The following SGPL1 variants were observed in gnomAD, a reference collection of about 807,000 sequenced individuals.
SGPL1 encodes SP-lyase 1.
In SGPL1, 37 loss-of-function variants were observed where a neutral mutation model predicts 68.9. The ratio of observed to expected loss-of-function variants is 0.54; its 90% CI spans 0.41 to 0.71. SGPL1 has a LOEUF of 0.71. Among genes scored for constraint, SGPL1 ranks in the 30% least tolerant of loss-of-function variants. The pLI, the probability that SGPL1 is intolerant of heterozygous loss-of-function variation, is 0.00. For missense variants in SGPL1, 551 were observed against 704.6 expected (o/e 0.78, Z 2.47); for synonymous variants, 236 against 248.5 (o/e 0.95, Z 0.47).
chr10:70,842,986 C>A (rs1845739172), intron 2 of SGPL1, among the ~76,000 whole-genome samples: 1 of 151,484 alleles, frequency 6.6e-6, no homozygotes, highest in Non-Finnish European at 1.5e-5. Flanking sequence ...GTAGCTTACA[C>A]TTTGCCACAT....
intron 5 of SGPL1, among the ~76,000 whole-genome samples, chr10:70,856,041 C>G (rs901526404): frequency 1.3e-5 from 2 of 152,150 alleles, no homozygotes; most frequent in African/African-American, 4.8e-5. Context: ...GTTGCCCAGG[C>G]TGGAATGCAG....
chr10:70,859,381 AT>A lies in SGPL1; in HGVS notation c.501del (p.Phe167LeufsTer18). On this transcript the variant is annotated frameshift_variant, in exon 7 of 15. Transcript: ENST00000373202. LOFTEE classifies it high-confidence loss of function. Reference sequence around the variant, plus strand: ...TGCATTTTTTTGCAGGCTTATGGAGATTTTGCATGGAGTAACCCCCTGCATC... The same window carrying A: ...TGCATTTTTTTGCAGGCTTATGGAGATTTGCATGGAGTAACCCCCTGCATC... ...LTELLVKAYG[D>X]FAWSNPLHPD... 1.3e-6 allele frequency: 2 copies of A among 1,517,710 alleles called. No individual in the cohort carries two copies. The highest frequency in any genetic ancestry group is 1.3e-5 in the South Asian group (1 of 74,836). The allele number at this position is 1,517,710 out of a possible 1,614,324, so 94.0% of individuals were successfully genotyped here.
At chr10:70,853,529 T>C (rs1304119007) in intron 4 of SGPL1, among the ~76,000 whole-genome samples, 1 of 152,222 alleles carries the variant, frequency 6.6e-6, no homozygotes, top group Non-Finnish European at 1.5e-5. Flanking sequence ...TTTTGTTACC[T>C]GTCTTACTAT....
chr10:70,869,919 A>G, intron 9 of SGPL1, 22 bp downstream of exon 9: 1 of 1,597,256 alleles, frequency 6.3e-7, no homozygotes, highest in Non-Finnish European at 8.6e-7. Flanking sequence ...TGGAGGGCCC[A>G]CTGTCTGTGC....
chr10:70,823,886 T>C (rs1459604704), intron 2 of SGPL1, among the ~76,000 whole-genome samples: 3 of 152,234 alleles, frequency 2.0e-5, no homozygotes, highest in Non-Finnish European at 4.4e-5. Flanking sequence ...ATTAAAGTTA[T>C]GATTGGAATA....
chr10:70,835,984 G>A (rs187292952), intron 2 of SGPL1, among the ~76,000 whole-genome samples: 409 of 152,290 alleles, frequency 2.7e-3, no homozygotes, highest in African/African-American at 9.5e-3. Context: ...AGAGGTACGA[G>A]TTGTTATGGA....
rs768209090 is a variant in SGPL1, at chr10:70,859,397, C to T, written c.513C>T (p.Asn171=). 10 of 1,536,262 alleles carry T rather than the reference C, an allele frequency of 6.5e-6. No homozygotes were observed. The Admixed American group carries it at 1.6e-4, about 25-fold the overall frequency. ...VKAYGDFAWS[N]PLHPDIFPGL... ...CTTATGGAGATTTTGCATGGAGTAA[C>T]CCCCTGCATCCAGATATCTTCCCAG... is the stretch of plus-strand genomic sequence containing the variant. Residue 171 remains asparagine (N), a synonymous_variant, in exon 7 of 15, where the codon AAC becomes AAT. Transcript: ENST00000373202.
intron 2 of SGPL1, among the ~76,000 whole-genome samples, chr10:70,842,962 G>A (rs1353792846): frequency 6.6e-6 from 1 of 151,408 alleles, no homozygotes; most frequent in Non-Finnish European, 1.5e-5. Context: ...GACAGAAATG[G>A]TCCCTGCCAT....
rs192749155 is a variant in SGPL1, at chr10:70,871,753, G to A, written c.910-84G>A. On this transcript the variant is annotated intron_variant, in intron 10 of 14. Coordinates refer to ENST00000373202, the MANE Select transcript of SGPL1 (RefSeq NM_003901.4). ...AATACAAAATAGCCTTGTGTTTATAGCCCATCTTTCCACCCATGTCTTGCA... is the reference window on the plus strand; with the variant it reads ...AATACAAAATAGCCTTGTGTTTATAACCCATCTTTCCACCCATGTCTTGCA... 3.3e-5 allele frequency: 43 copies of A among 1,319,416 alleles called. No homozygotes were observed. The African/African-American group carries it at 5.3e-4, about 16-fold the overall frequency. The allele number at this position is 1,319,416 out of a possible 1,614,324, so 81.7% of individuals were successfully genotyped here. A position where few individuals can be genotyped will look rare whatever the true frequency, so the allele number is the denominator to read the frequency against.
At chr10:70,851,454 G>GCCCCCCCC (rs3842238) in intron 4 of SGPL1, among the ~76,000 whole-genome samples, 1 of 150,816 alleles carries the variant, frequency 6.6e-6, no homozygotes, top group African/African-American at 2.4e-5. Context: ...GTACAGGGCA[G>GCCCCCCCC]CCCCCCCCCA....
intron 4 of SGPL1, among the ~76,000 whole-genome samples, chr10:70,852,700 G>A (rs1374134795): frequency 8.0e-6 from 1 of 124,678 alleles, no homozygotes; most frequent in Non-Finnish European, 1.7e-5. Context: ...AAAATTACAT[G>A]TGTGTATGTG....
intron 6 of SGPL1, 138 bp from the exon 7 acceptor site, chr10:70,859,233 G>T: frequency 2.3e-6 from 1 of 427,692 alleles, no homozygotes; most frequent in Non-Finnish European, 3.6e-6. Flanking sequence ...TTGATCTTTT[G>T]GTTGAGGAAT....
intron 2 of SGPL1, among the ~76,000 whole-genome samples, chr10:70,834,910 T>C (rs1307182611): frequency 1.3e-5 from 2 of 152,222 alleles, no homozygotes; most frequent in African/African-American, 4.8e-5. Flanking sequence ...GGCCTCAATG[T>C]CTTCATCTGT....
intron 2 of SGPL1, among the ~76,000 whole-genome samples, chr10:70,836,916 C>T (rs968799993): frequency 1.3e-5 from 2 of 151,730 alleles, no homozygotes; most frequent in Non-Finnish European, 2.9e-5. Context: ...ATCTAATAGC[C>T]TCATGAGGTT....
In SGPL1 at chr10:70,859,352, T is replaced by G. The variant is rs1478979006; in HGVS notation, c.487-19T>G. 4.3e-6 allele frequency: 6 copies of G among 1,411,512 alleles called. No individual in the cohort carries two copies. Among genetic ancestry groups the G allele is most frequent in the Non-Finnish European group, 5.6e-6 (6 of 1,071,504 alleles). 87.4% of individuals were successfully genotyped at this position (1,411,512 alleles called of 1,614,324 possible). On this transcript the variant is annotated intron_variant, in intron 6 of 14. Transcript: ENST00000373202. ...AGTGTAATAGTTTTGATTTCACATC[T>G]GCTTGCATTTTTTTGCAGGCTTATG...
At chr10:70,819,171 T>C (rs915760474) in intron 2 of SGPL1, among the ~76,000 whole-genome samples, 5 of 152,248 alleles carry the variant, frequency 3.3e-5, no homozygotes, top group Non-Finnish European at 7.3e-5. Context: ...ATATTAACTT[T>C]GGAATCAGTT....
chr10:70,877,258 G>C lies in SGPL1; in HGVS notation c.1630G>C (p.Val544Leu). Residue 544 changes from valine (V) to leucine (L), a missense_variant, in exon 15 of 15, where the codon GTC becomes CTC. Physicochemically the swap from Val to Leu is conservative, Grantham distance 32. Transcript: ENST00000373202. ...DRNMVAELSS[V>L]FLDSLYSTDT... ...GAATATGGTTGCAGAATTGTCCTCA[G>C]TCTTCTTGGACAGCTTGTACAGCAC... The C allele has an allele frequency of 6.2e-7, 1 of 1,614,062 alleles. No individual in the cohort carries two copies.
chr10:70,873,649 AG>A (rs1846335435), intron 12 of SGPL1, 60 bp downstream of exon 12: 2 of 1,266,002 alleles, frequency 1.6e-6, no homozygotes, highest in African/African-American at 1.5e-5. Context: ...AGTAGGCTCA[AG>A]GCACCTGCCT....
At position 70,877,808 on chromosome 10, in the gene SGPL1, C is replaced by CT. The variant is rs1214511097; in HGVS notation, c.*497dup. ...AGGAGGCTTTTTCAGCCTTCTCTCT[C>CT]TTTTTTTTTTTTTTTTTTTTTTTTG... On this transcript the variant is annotated 3_prime_UTR_variant, in exon 15 of 15. Transcript: ENST00000373202. 5,422 of 64,688 alleles carry CT rather than the reference C, an allele frequency of 0.084. 288 individuals are homozygous for CT. Among genetic ancestry groups the CT allele is most frequent in the East Asian group, 0.12 (215 of 1,786 alleles). The allele number at this position is 64,688 out of a possible 1,614,324, so 4.0% of individuals were successfully genotyped here.
Sources: gnomAD v4.1 joint callset for allele counts (sites outside exome capture counted in the v4.1 genomes callset) on GRCh38, gnomAD v4.1.1 for gene constraint, MANE v1.5 for transcripts, NCBI Gene and HGNC (gene_info 2026-07-23, HGNC 2026-07-21) for gene names.